The following AMPH variants were observed in gnomAD, a reference collection of about 807,000 sequenced individuals.
AMPH encodes the protein amphiphysin, also known as amphiphysin (Stiff-Mann syndrome with breast cancer 128kD autoantigen).
In AMPH, 49 loss-of-function variants were observed where a neutral mutation model predicts 99.1. That is an observed-to-expected ratio of 0.49 (90% CI 0.39 to 0.63). The LOEUF is 0.63. AMPH is among the 20% of genes least tolerant of loss of function. The pLI, the probability that AMPH is intolerant of heterozygous loss-of-function variation, is 0.00. For synonymous variants in AMPH, 314 were observed against 317.3 expected, an observed-to-expected ratio of 0.99 and a Z score of 0.11; for missense variants, 759 against 863.4, an observed-to-expected ratio of 0.88 and a Z score of 1.52.
intron 17 of AMPH, among the ~76,000 whole-genome samples, chr7:38,395,485 C>A (rs1784642165): frequency 6.6e-6 from 1 of 152,148 alleles, no homozygotes; most frequent in Admixed American, 6.5e-5. Context: ...GAAATGCAAT[C>A]AGAAATTTTA....
intron 11 of AMPH, among the ~76,000 whole-genome samples, chr7:38,458,877 GC>G (rs1309007489): frequency 6.6e-6 from 1 of 151,998 alleles, no homozygotes; most frequent in Non-Finnish European, 1.5e-5. Flanking sequence ...GAGCAATCAG[GC>G]AAGATAAAGA....
Position 38,559,693 on chromosome 7 carries a change from T to G in AMPH, c.70-24682A>C, listed in dbSNP as rs992816887. On this transcript the variant is annotated intron_variant, in intron 1 of 20. Transcript: ENST00000356264. The stretch of plus-strand genomic sequence containing the variant: ...ATATAGGTACATTACTAGTCCCATT[T>G]TACAGATGAGAAAACTGAGGCTTAT... Among the ~76,000 whole-genome samples, 5 of 152,364 alleles carry G rather than the reference T, an allele frequency of 3.3e-5. 1 individual carries two copies. The Middle Eastern group carries it at 0.01, about 311-fold the overall frequency.
intron 1 of AMPH, among the ~76,000 whole-genome samples, chr7:38,617,553 T>TGAAG (rs1254697913): frequency 3.9e-5 from 6 of 152,208 alleles, no homozygotes; most frequent in Non-Finnish European, 8.8e-5. Context: ...AATCTGAGTC[T>TGAAG]TCAAGGGCAA....
chr7:38,527,576 T>C (rs540466590), intron 2 of AMPH, among the ~76,000 whole-genome samples: 4 of 152,350 alleles, frequency 2.6e-5, no homozygotes, highest in African/African-American at 4.8e-5. Context: ...GTGATTGATA[T>C]TTATGTGTTG....
chr7:38,612,132 A>G (rs1231277824), intron 1 of AMPH, among the ~76,000 whole-genome samples: 1 of 114,366 alleles, frequency 8.7e-6, no homozygotes, highest in East Asian at 2.3e-4. Context: ...GCTCTTGGGC[A>G]GTGGCACAAT....
intron 1 of AMPH, among the ~76,000 whole-genome samples, chr7:38,619,364 A>G (rs1301769229): frequency 6.6e-6 from 1 of 152,266 alleles, no homozygotes; most frequent in Non-Finnish European, 1.5e-5. Context: ...AACAAATGTA[A>G]CTATGCACCT....
At position 38,470,581 on chromosome 7, in the gene AMPH, T is replaced by C. The variant is rs537384909; in HGVS notation, c.591-4333A>G. 4.5e-4 allele frequency among the ~76,000 whole-genome samples: 68 copies of C among 152,246 alleles called. No homozygotes were observed. The South Asian group carries it at 0.014, about 31-fold the overall frequency. ...GGCTTTTCCACAGTCCCCTCTTCTT[T>C]TGCACATTCCATAAAATATTAGTGC... On this transcript the variant is annotated intron_variant, in intron 7 of 20. Coordinates refer to ENST00000356264, the MANE Select transcript of AMPH (RefSeq NM_001635.4).
At chr7:38,389,741 G>C (rs1784438132) in intron 20 of AMPH, 63 bp downstream of exon 20, 2 of 1,247,796 alleles carry the variant, frequency 1.6e-6, no homozygotes, top group East Asian at 4.6e-5. Context: ...AAGTGATTGT[G>C]TCCAACAGAC....
chr7:38,386,338 T>C (rs1299741403), intron 20 of AMPH, among the ~76,000 whole-genome samples: 1 of 152,176 alleles, frequency 6.6e-6, no homozygotes, highest in African/African-American at 2.4e-5. Flanking sequence ...TTTGACTTTA[T>C]TTACAGTAGG....
At chr7:38,437,372 A>C (rs1417302491) in intron 11 of AMPH, among the ~76,000 whole-genome samples, 1 of 152,136 alleles carries the variant, frequency 6.6e-6, no homozygotes, top group Non-Finnish European at 1.5e-5. Flanking sequence ...CTAGAAATTG[A>C]AACGTCAAAC....
At chr7:38,599,976 A>G (rs1346467862) in intron 1 of AMPH, among the ~76,000 whole-genome samples, 4 of 152,096 alleles carry the variant, frequency 2.6e-5, no homozygotes, top group Non-Finnish European at 4.4e-5. Context: ...TTCTTATAAT[A>G]TATTCCTAAG....
intron 11 of AMPH, among the ~76,000 whole-genome samples, chr7:38,442,626 C>A (rs1464735063): frequency 6.6e-6 from 1 of 151,848 alleles, no homozygotes; most frequent in African/African-American, 2.4e-5. Context: ...AAAAAGAAAT[C>A]AAAGTGGAAA....
chr7:38,589,933 C>T (rs1215994040), intron 1 of AMPH, among the ~76,000 whole-genome samples: 1 of 152,170 alleles, frequency 6.6e-6, no homozygotes, highest in East Asian at 1.9e-4. Flanking sequence ...TGGATAAAAA[C>T]AGTAAACTGT....
At chr7:38,386,849 G>A (rs1056912022) in intron 20 of AMPH, among the ~76,000 whole-genome samples, 7 of 152,166 alleles carry the variant, frequency 4.6e-5, no homozygotes, top group Non-Finnish European at 8.8e-5. Context: ...ACTGCAAGGG[G>A]TGAGATCTAT....
intron 2 of AMPH, among the ~76,000 whole-genome samples, chr7:38,519,383 C>G (rs1789869690): frequency 6.6e-6 from 1 of 152,104 alleles, no homozygotes; most frequent in Non-Finnish European, 1.5e-5. Flanking sequence ...GGCAACAAAA[C>G]TCATAATTAC....
chr7:38,565,646 G>T (rs1231537174), intron 1 of AMPH, among the ~76,000 whole-genome samples: 2 of 151,202 alleles, frequency 1.3e-5, no homozygotes, highest in Non-Finnish European at 2.9e-5. Flanking sequence ...CACATTCTGA[G>T]GTGCTAGGGG....
intron 1 of AMPH, among the ~76,000 whole-genome samples, chr7:38,572,306 C>T (rs897639752): frequency 2.3e-4 from 35 of 152,138 alleles, no homozygotes; most frequent in African/African-American, 7.7e-4. Flanking sequence ...CTACAGTATT[C>T]AGTGCAGAAA....
At chr7:38,571,137 T>A (rs1302560375) in intron 1 of AMPH, among the ~76,000 whole-genome samples, 10 of 67,458 alleles carry the variant, frequency 1.5e-4, no homozygotes, top group African/African-American at 5.0e-4. Flanking sequence ...ATATATATAT[T>A]TTTATATATT....
At chr7:38,456,880 G>T (rs1484959711) in intron 11 of AMPH, among the ~76,000 whole-genome samples, 2 of 152,110 alleles carry the variant, frequency 1.3e-5, no homozygotes, top group Non-Finnish European at 2.9e-5. Context: ...CCTCCACTGG[G>T]GCCCAAAGAC....
Sources: gnomAD v4.1 joint callset for allele counts (sites outside exome capture counted in the v4.1 genomes callset) on GRCh38, gnomAD v4.1.1 for gene constraint, MANE v1.5 for transcripts, NCBI Gene and HGNC (gene_info 2026-07-23, HGNC 2026-07-21) for gene names.